RANBP2: variants seen among roughly 807,000 people sequenced by gnomAD.
The protein encoded by RANBP2 is RAN binding protein 2.
A neutral mutation model predicts 303.6 loss-of-function variants in RANBP2; 57 were observed. The ratio of observed to expected loss-of-function variants is 0.19; its 90% CI spans 0.15 to 0.23. The LOEUF (loss-of-function observed/expected upper bound fraction) is 0.23, where lower values mean the gene tolerates loss of function less well. Ranked by LOEUF, RANBP2 falls within the 10% of genes least tolerant of loss-of-function variation. The pLI, the probability that RANBP2 is intolerant of heterozygous loss-of-function variation, is 1.00. For missense variants in RANBP2, 3,138 were observed against 3,780.8 expected (o/e 0.83, Z 4.46); for synonymous variants, 1,167 against 1,301.5 (o/e 0.90, Z 2.23).
the RANBP2 span, among the ~76,000 whole-genome samples, chr2:109,610,711 G>A: frequency 1.7e-3 from 256 of 151,732 alleles, 4 homozygotes; most frequent in South Asian, 0.02. Context: ...GCGACATTCC[G>A]TCTTCAAAAA....
the RANBP2 span, among the ~76,000 whole-genome samples, chr2:108,843,930 G>T: frequency 9.5e-5 from 10 of 105,332 alleles, no homozygotes; most frequent in African/African-American, 3.5e-4. Flanking sequence ...TTGCTCTGTT[G>T]CCCAGGCTGG....
chr2:108,895,512 C>T, the RANBP2 span: 1 of 152,174 alleles, frequency 6.6e-6, no homozygotes, highest in African/African-American at 2.4e-5. Flanking sequence ...TATGTCAAAC[C>T]ATTGCAGTTA....
At chr2:109,198,401 G>A in the RANBP2 span, among the ~76,000 whole-genome samples, 1 of 152,232 alleles carries the variant, frequency 6.6e-6, no homozygotes, top group Non-Finnish European at 1.5e-5. Flanking sequence ...GGGTGTGTGC[G>A]AGAGGTAGAG....
the RANBP2 span, among the ~76,000 whole-genome samples, chr2:109,337,649 G>A: frequency 6.6e-6 from 1 of 151,866 alleles, no homozygotes; most frequent in African/African-American, 2.4e-5. Context: ...GAACCTTCTT[G>A]AATGGCTGTG....
the RANBP2 span, among the ~76,000 whole-genome samples, chr2:109,279,027 T>G: frequency 0.36 from 54,998 of 152,090 alleles, 10,059 homozygotes; most frequent in South Asian, 0.43. Flanking sequence ...ATTTTGAAGT[T>G]ATCTTTCTTC....
At chr2:109,413,311 A>G in the RANBP2 span, among the ~76,000 whole-genome samples, 6 of 152,116 alleles carry the variant, frequency 3.9e-5, no homozygotes, top group Non-Finnish European at 8.8e-5. Context: ...ACAGGGTTTC[A>G]CCATGTTGGC....
chr2:109,207,758 A>C, the RANBP2 span, among the ~76,000 whole-genome samples: 1 of 152,212 alleles, frequency 6.6e-6, no homozygotes, highest in South Asian at 2.1e-4. Context: ...GTAAATTGCT[A>C]AAATCAACTG....
At chr2:109,327,200 AT>A in the RANBP2 span, among the ~76,000 whole-genome samples, 1 of 152,176 alleles carries the variant, frequency 6.6e-6, no homozygotes, top group South Asian at 2.1e-4. Flanking sequence ...TAAGATGTTA[AT>A]TCAGCTAGAA....
At chr2:109,353,705 A>T in the RANBP2 span, among the ~76,000 whole-genome samples, 1 of 149,024 alleles carries the variant, frequency 6.7e-6, no homozygotes, top group East Asian at 1.9e-4. Context: ...AATGCCAGGG[A>T]TGCTGTGGAG....
chr2:109,120,955 G>C, the RANBP2 span, among the ~76,000 whole-genome samples: 2 of 152,302 alleles, frequency 1.3e-5, no homozygotes, highest in East Asian at 3.9e-4. Context: ...AGGTTAAGAA[G>C]TGAAGTTCTG....
chr2:109,638,373 G>A, the RANBP2 span, among the ~76,000 whole-genome samples: 6 of 152,242 alleles, frequency 3.9e-5, no homozygotes, highest in East Asian at 7.7e-4. Context: ...ACTACTCCCC[G>A]AAACTTTCAT....
the RANBP2 span, among the ~76,000 whole-genome samples, chr2:109,071,953 A>C: frequency 9.2e-5 from 14 of 152,218 alleles, no homozygotes; most frequent in Non-Finnish European, 1.8e-4. Flanking sequence ...AGAAGGTGAC[A>C]ACAGAATATA....
At chr2:108,738,048 CAG>C (rs926158413) in intron 6 of RANBP2, among the ~76,000 whole-genome samples, 47 of 148,184 alleles carry the variant, frequency 3.2e-4, no homozygotes, top group Admixed American at 2.9e-3. Context: ...TTAGTAGAAA[CAG>C]GGTTTCATCA....
the RANBP2 span, among the ~76,000 whole-genome samples, chr2:109,249,994 C>CTCTT: frequency 0.02 from 2,997 of 150,238 alleles, 103 homozygotes; most frequent in African/African-American, 0.069. Flanking sequence ...TGCACCAGAT[C>CTCTT]TCTACCAAAT....
At chr2:109,263,501 AG>A in the RANBP2 span, among the ~76,000 whole-genome samples, 2 of 152,208 alleles carry the variant, frequency 1.3e-5, no homozygotes, top group Admixed American at 6.5e-5. Flanking sequence ...TCTGTGGATT[AG>A]GGGGCTGATG....
chr2:108,994,794 TTATATATATATATATA>T, the RANBP2 span, among the ~76,000 whole-genome samples: 1,631 of 114,802 alleles, frequency 0.014, 398 homozygotes, highest in Middle Eastern at 0.034. Flanking sequence ...GTGCATTGGG[TTATATATATATATATA>T]TATATATATA....
chr2:109,558,293 C>T, the RANBP2 span, among the ~76,000 whole-genome samples: 70 of 152,292 alleles, frequency 4.6e-4, 1 homozygote, highest in African/African-American at 1.5e-3. Flanking sequence ...CTATAGACTA[C>T]CTGAAGAACT....
At chr2:109,697,410 G>A in the RANBP2 span, among the ~76,000 whole-genome samples, 2 of 151,912 alleles carry the variant, frequency 1.3e-5, no homozygotes, top group African/African-American at 4.8e-5. Flanking sequence ...GCTTGAACCT[G>A]GGAGGCAGAG....
chr2:109,383,317 A>C, the RANBP2 span, among the ~76,000 whole-genome samples: 1 of 152,186 alleles, frequency 6.6e-6, no homozygotes, highest in Non-Finnish European at 1.5e-5. Context: ...CTGGGGGGTC[A>C]TGGGGGACCC....
Sources: allele counts gnomAD v4.1 joint callset (sites outside exome capture counted in the v4.1 genomes callset), GRCh38; gene constraint gnomAD v4.1.1; transcripts MANE v1.5; gene names NCBI Gene and HGNC (gene_info 2026-07-23, HGNC 2026-07-21).